Variants in IL1RAPL2 observed in about 807,000 individuals in gnomAD.
IL1RAPL2 encodes interleukin 1 receptor accessory protein like 2.
In IL1RAPL2, 3 loss-of-function variants were observed where a neutral mutation model predicts 44.1. The ratio of observed to expected loss-of-function variants is 0.07; its 90% CI spans 0.03 to 0.18. The LOEUF is 0.18. Among genes scored for constraint, IL1RAPL2 ranks in the 10% least tolerant of loss-of-function variants. The probability of loss-of-function intolerance (pLI) is 1.00; values close to 1 mark genes in which losing one functional copy is unlikely to be tolerated. For synonymous variants in IL1RAPL2, 181 were observed against 178.8 expected, an observed-to-expected ratio of 1.01 and a Z score of -0.10; for missense variants, 391 against 496.4, an observed-to-expected ratio of 0.79 and a Z score of 2.02.
intron 6 of IL1RAPL2, among the ~76,000 whole-genome samples, chrX:105,622,639 G>A (rs2037428092): frequency 9.0e-6 from 1 of 111,416 alleles, no homozygotes; most frequent in Non-Finnish European, 1.9e-5. Flanking sequence ...CCAGTGACAG[G>A]AACCTCATTC....
chrX:104,786,041 T>A (rs1309883170), intron 2 of IL1RAPL2, among the ~76,000 whole-genome samples: 1 of 112,551 alleles, frequency 8.9e-6, no homozygotes, highest in African/African-American at 3.2e-5. Flanking sequence ...ACTTGATGTG[T>A]CAGGTTCTTA....
At chrX:105,540,839 T>TAATATATACATATATTATATATGATATAA in intron 6 of IL1RAPL2, among the ~76,000 whole-genome samples, 4 of 43,659 alleles carry the variant, frequency 9.2e-5, no homozygotes, top group Non-Finnish European at 2.3e-4. Flanking sequence ...ATATGATATA[T>TAATATATACATATATTATATATGATATAA]AATACATACA....
intron 5 of IL1RAPL2, among the ~76,000 whole-genome samples, chrX:105,386,109 A>G (rs1323047976): frequency 3.6e-5 from 4 of 111,448 alleles, no homozygotes; most frequent in Non-Finnish European, 5.7e-5. Context: ...AAGGAAGAAA[A>G]TTTCCTGTGA....
intron 2 of IL1RAPL2, among the ~76,000 whole-genome samples, chrX:104,757,853 ATTTG>A (rs745436188): frequency 1.8e-4 from 20 of 112,017 alleles, no homozygotes; most frequent in Non-Finnish European, 3.4e-4. Context: ...AAAATAAAAC[ATTTG>A]TTTGTGTACA....
intron 2 of IL1RAPL2, among the ~76,000 whole-genome samples, chrX:104,779,869 G>C (rs1365431776): frequency 4.5e-5 from 5 of 110,770 alleles, no homozygotes; most frequent in African/African-American, 1.6e-4. Flanking sequence ...GTACAAAGTG[G>C]GGGTGGGGAA....
intron 6 of IL1RAPL2, among the ~76,000 whole-genome samples, chrX:105,514,723 G>A (rs1019894297): frequency 7.2e-5 from 8 of 111,869 alleles, no homozygotes; most frequent in African/African-American, 2.6e-4. Context: ...GTGGGATGGA[G>A]ACAGCAACAA....
intron 5 of IL1RAPL2, among the ~76,000 whole-genome samples, chrX:105,438,390 TA>T (rs750139544): frequency 6.5e-5 from 7 of 107,914 alleles, no homozygotes; most frequent in Non-Finnish European, 1.1e-4. Flanking sequence ...GAATCAGGGA[TA>T]TTAAATCAGG....
intron 6 of IL1RAPL2, among the ~76,000 whole-genome samples, chrX:105,688,355 A>T (rs745585040): frequency 3.2e-4 from 36 of 112,197 alleles, no homozygotes; most frequent in African/African-American, 1.1e-3. Context: ...CCTTAAGCTG[A>T]TAAGCAACTT....
intron 2 of IL1RAPL2, among the ~76,000 whole-genome samples, chrX:104,757,400 G>A (rs1004949066): frequency 9.0e-6 from 1 of 111,456 alleles, no homozygotes; most frequent in Non-Finnish European, 1.9e-5. Flanking sequence ...CCTATTAAAC[G>A]TCTAAGAGAA....
chrX:105,172,953 G>T (rs982033773), intron 2 of IL1RAPL2, among the ~76,000 whole-genome samples: 17 of 110,898 alleles, frequency 1.5e-4, no homozygotes, highest in Non-Finnish European at 1.3e-4. Flanking sequence ...CTTAAACTTT[G>T]GTTGGAGAGA....
chrX:104,879,715 A>C (rs1312968936), intron 2 of IL1RAPL2, among the ~76,000 whole-genome samples: 1 of 111,890 alleles, frequency 8.9e-6, no homozygotes, highest in African/African-American at 3.2e-5. Flanking sequence ...TGTATTTTGT[A>C]AATGTAGCAA....
intron 1 of IL1RAPL2, among the ~76,000 whole-genome samples, chrX:104,654,671 C>G (rs913514319): frequency 9.0e-6 from 1 of 111,126 alleles, no homozygotes; most frequent in African/African-American, 3.3e-5. Context: ...TTTTTAGTTC[C>G]ATATGAATTT....
At chrX:104,922,813 A>T (rs1361786859) in intron 2 of IL1RAPL2, among the ~76,000 whole-genome samples, 2 of 112,200 alleles carry the variant, frequency 1.8e-5, no homozygotes, top group South Asian at 7.4e-4. Context: ...GATCCTAACC[A>T]AAATGAAAAC....
intron 5 of IL1RAPL2, among the ~76,000 whole-genome samples, chrX:105,270,038 A>G (rs2034435041): frequency 8.9e-6 from 1 of 111,887 alleles, no homozygotes; most frequent in Non-Finnish European, 1.9e-5. Flanking sequence ...GAGGATCTCA[A>G]AATTTAATGT....
chrX:104,796,385 T>C (rs1362187314), intron 2 of IL1RAPL2, among the ~76,000 whole-genome samples: 3 of 111,912 alleles, frequency 2.7e-5, no homozygotes, highest in African/African-American at 9.8e-5. Context: ...ACAATGGATA[T>C]GAGACGCTAT....
At chrX:105,035,361 G>T (rs181028191) in intron 2 of IL1RAPL2, among the ~76,000 whole-genome samples, 1 of 111,945 alleles carries the variant, frequency 8.9e-6, no homozygotes, top group Non-Finnish European at 1.9e-5. Context: ...GACTGGAGCT[G>T]TTCCTATTCG....
intron 2 of IL1RAPL2, among the ~76,000 whole-genome samples, chrX:104,900,072 C>T (rs1181956655): frequency 3.6e-5 from 4 of 111,392 alleles, no homozygotes; most frequent in Non-Finnish European, 7.5e-5. Flanking sequence ...TTTATAAATC[C>T]TCAAGTGATA....
intron 1 of IL1RAPL2, among the ~76,000 whole-genome samples, chrX:104,577,826 T>C (rs1044011701): frequency 1.8e-5 from 2 of 110,776 alleles, no homozygotes; most frequent in Non-Finnish European, 3.8e-5. Context: ...GGCCGGATAG[T>C]TGACTACATG....
intron 6 of IL1RAPL2, among the ~76,000 whole-genome samples, chrX:105,671,639 G>A (rs972650377): frequency 5.4e-5 from 6 of 111,385 alleles, no homozygotes; most frequent in African/African-American, 2.0e-4. Context: ...TCTTGGTATG[G>A]ATTTCTTTGT....
Sources: allele counts gnomAD v4.1 joint callset (sites outside exome capture counted in the v4.1 genomes callset), GRCh38; gene constraint gnomAD v4.1.1; transcripts MANE v1.5; gene names NCBI Gene and HGNC (gene_info 2026-07-23, HGNC 2026-07-21).